Variants in SCN3A observed in about 807,000 individuals in gnomAD.
SCN3A encodes sodium voltage-gated channel alpha subunit 3.
SCN3A carries 60 observed loss-of-function variants against 187.6 expected under a neutral mutation model. The ratio of observed to expected loss-of-function variants is 0.32; its 90% CI spans 0.26 to 0.40. The LOEUF is 0.40. Among genes scored for constraint, SCN3A ranks in the 10% least tolerant of loss-of-function variants. The probability of loss-of-function intolerance (pLI) is 1.00; values close to 1 mark genes in which losing one functional copy is unlikely to be tolerated. For missense variants in SCN3A, 1,601 were observed against 2,428.2 expected (o/e 0.66, Z 7.16); for synonymous variants, 788 against 829.2 (o/e 0.95, Z 0.85).
At chr2:165,196,723 A>C (rs560690569) in intron 1 of SCN3A, among the ~76,000 whole-genome samples, 63 of 152,296 alleles carry the variant, frequency 4.1e-4, no homozygotes, top group African/African-American at 1.5e-3. Context: ...ATTTTCTGAA[A>C]ATATCTTTTA....
chr2:165,174,502 G>A (rs1690323891), intron 3 of SCN3A, among the ~76,000 whole-genome samples: 1 of 152,192 alleles, frequency 6.6e-6, no homozygotes, highest in South Asian at 2.1e-4. Flanking sequence ...TTGGAAAATA[G>A]TAACGTTTGC....
At position 165,171,961 on chromosome 2, in the gene SCN3A, C is replaced by A. The variant is rs180901399; in HGVS notation, c.265-1413G>T. Among the ~76,000 whole-genome samples, 211 of 152,134 alleles carry A rather than the reference C, an allele frequency of 1.4e-3. 1 individual carries two copies. Among genetic ancestry groups the A allele is most frequent in the African/African-American group, 4.8e-3 (201 of 41,514 alleles). Reference sequence around the variant, plus strand: ...ACTATTTACCTTTAAGACATCTATTCTGTATATCCATTTACTTAATAATAT... The same window carrying A: ...ACTATTTACCTTTAAGACATCTATTATGTATATCCATTTACTTAATAATAT... On this transcript the variant is annotated intron_variant, in intron 3 of 27. Coordinates refer to ENST00000283254, the MANE Select transcript of SCN3A (RefSeq NM_006922.4).
intron 18 of SCN3A, chr2:165,119,862 A>G (rs998146457): frequency 1.3e-5 from 2 of 152,236 alleles, no homozygotes; most frequent in African/African-American, 2.4e-5. Flanking sequence ...AACTAAATTC[A>G]TACTTGTCCT....
chr2:165,162,725 C>T lies in SCN3A; in HGVS notation c.798G>A (p.Leu266=). ...FCLSVFALIG[L]QLFMGNLRNK... The stretch of plus-strand genomic sequence containing the variant: ...TCCTCAGATTGCCCATGAACAGCTG[C>T]AGCCCAATGAGAGCAAACACGCTCA... The change falls in exon 8 of 28, where the codon CTG becomes CTA. Residue 266 remains leucine (L), a synonymous_variant. Transcript: ENST00000283254. The T allele has an allele frequency of 2.5e-6, 4 of 1,614,148 alleles. No individual in the cohort carries two copies. The highest frequency in any genetic ancestry group is 3.4e-6 in the Non-Finnish European group (4 of 1,180,006).
chr2:165,176,482 C>G, intron 2 of SCN3A, 38 bp from the exon 3 acceptor site: 1 of 1,523,934 alleles, frequency 6.6e-7, no homozygotes, highest in Non-Finnish European at 9.1e-7. Flanking sequence ...GTTAGGAAAG[C>G]AAGCGATTGG....
intron 11 of SCN3A, among the ~76,000 whole-genome samples, chr2:165,154,182 C>G (rs1039020949): frequency 6.6e-6 from 1 of 151,622 alleles, no homozygotes; most frequent in African/African-American, 2.4e-5. Context: ...AATTAAATTC[C>G]TCTCTTAGGT....
intron 3 of SCN3A, among the ~76,000 whole-genome samples, chr2:165,174,635 CT>C (rs1267937582): frequency 6.6e-6 from 1 of 152,080 alleles, no homozygotes; most frequent in African/African-American, 2.4e-5. Flanking sequence ...ATCATGCCTC[CT>C]TTCTTAAAGA....
intron 3 of SCN3A, 29 bp from the exon 4 acceptor site, chr2:165,170,577 T>A: frequency 7.8e-7 from 1 of 1,284,042 alleles, no homozygotes; most frequent in Non-Finnish European, 1.1e-6. Context: ...GTAAAATTAC[T>A]AAATTAGACA....
rs1685167221 is a variant in SCN3A at position 165,092,695 on chromosome 2, A to T, written c.4537-171T>A. 3.1e-6 allele frequency: 2 copies of T among 642,576 alleles called. No homozygotes were observed. Among genetic ancestry groups the T allele is most frequent in the African/African-American group, 3.7e-5 (2 of 54,540 alleles). The allele number at this position is 642,576 out of a possible 1,614,324, so 39.8% of individuals were successfully genotyped here. On this transcript the variant is annotated intron_variant, in intron 26 of 27. Transcript: ENST00000283254. The surrounding 1 kb of genome is among the most constrained non-coding windows in gnomAD (Gnocchi z 4.2). ...TCTTCATGTTAAAAAAAATGGAAAA[A>T]AAATTTATATAGCTAAACAAAGCAT...
chr2:165,101,139 C>G (rs1481639199), intron 21 of SCN3A, among the ~76,000 whole-genome samples: 1 of 152,146 alleles, frequency 6.6e-6, no homozygotes, highest in African/African-American at 2.4e-5. Context: ...TAACATGACA[C>G]TCAAAAGAAA....
At chr2:165,098,411 C>G (rs1043691119) in intron 22 of SCN3A, among the ~76,000 whole-genome samples, 1 of 152,146 alleles carries the variant, frequency 6.6e-6, no homozygotes, top group Non-Finnish European at 1.5e-5. Flanking sequence ...ACCAAGGAAT[C>G]TTAAATTGAC....
chr2:165,104,615 CAAG>C (rs1685761812), intron 21 of SCN3A, among the ~76,000 whole-genome samples: 1 of 148,626 alleles, frequency 6.7e-6, no homozygotes, highest in Non-Finnish European at 1.5e-5. Flanking sequence ...ATGAGAAAAC[CAAG>C]AAGAAAAAAA....
At chr2:165,168,382 T>C (rs1198444561) in intron 5 of SCN3A, among the ~76,000 whole-genome samples, 3 of 152,046 alleles carry the variant, frequency 2.0e-5, no homozygotes, top group Non-Finnish European at 4.4e-5. Flanking sequence ...AATCACTATA[T>C]ACTGGAATAA....
At chr2:165,175,397 A>C (rs1054555971) in intron 3 of SCN3A, among the ~76,000 whole-genome samples, 2 of 152,168 alleles carry the variant, frequency 1.3e-5, no homozygotes, top group Non-Finnish European at 2.9e-5. Context: ...GCTAATTCTG[A>C]TACAATTATG....
Position 165,148,420 on chromosome 2 carries a change from G to T in SCN3A, c.1381-1391C>A, listed in dbSNP as rs1195708886. ...AATGGAGATAAAACCTATTTATAAT[G>T]CTTTGACAACACTTTGTGCTTTATG... On this transcript the variant is annotated intron_variant, in intron 11 of 27. Coordinates refer to ENST00000283254, the MANE Select transcript of SCN3A (RefSeq NM_006922.4). Among the ~76,000 whole-genome samples the T allele has an allele frequency of 1.3e-5, 2 of 151,880 alleles. 1 individual carries two copies.
At chr2:165,142,723 G>GTGTTGTTGTTGTTGTTGT (rs4001045) in intron 12 of SCN3A, among the ~76,000 whole-genome samples, 3 of 148,710 alleles carry the variant, frequency 2.0e-5, no homozygotes, top group Non-Finnish European at 4.5e-5. Flanking sequence ...TCCAGAACTC[G>GTGTTGTTGTTGTTGTTGT]TGTTGTTGTT....
At chr2:165,117,498 A>C (rs1033438403) in intron 18 of SCN3A, among the ~76,000 whole-genome samples, 1 of 152,226 alleles carries the variant, frequency 6.6e-6, no homozygotes, top group East Asian at 1.9e-4. Flanking sequence ...ATCTATATAT[A>C]CACACACGTA....
At chr2:165,195,835 T>C (rs770626591) in intron 1 of SCN3A, among the ~76,000 whole-genome samples, 2 of 152,116 alleles carry the variant, frequency 1.3e-5, no homozygotes, top group Non-Finnish European at 2.9e-5. Flanking sequence ...TTAACTCTAG[T>C]GTTTATTTGC....
Position 165,138,025 on chromosome 2 carries a change from C to A in SCN3A, c.2245G>T (p.Val749Leu), listed in dbSNP as rs1457714087. 6.2e-7 allele frequency: 1 copy of A among 1,613,576 alleles called. No homozygotes were observed. The highest frequency in any genetic ancestry group is 8.5e-7 in the Non-Finnish European group (1 of 1,179,610). Reference protein sequence around the residue: ...IWDCCDAWLKVKHLVNLIVMD... With the variant: ...IWDCCDAWLKLKHLVNLIVMD... ...ACAATTAAATTCACAAGATGTTTTA[C>A]TTTTAACCATGCATCACAGCAGTCC... Residue 749 changes from valine (V) to leucine (L), a missense_variant, in exon 15 of 28, where the codon GTA becomes TTA. Physicochemically the swap from Val to Leu is conservative, Grantham distance 32 (BLOSUM62 1). Transcript: ENST00000283254.
Sources: allele counts gnomAD v4.1 joint callset (sites outside exome capture counted in the v4.1 genomes callset), GRCh38; gene constraint gnomAD v4.1.1; non-coding constraint Gnocchi (gnomAD v3.1); transcripts MANE v1.5; gene names NCBI Gene and HGNC (gene_info 2026-07-23, HGNC 2026-07-21).